DEGS2: variants seen among roughly 807,000 people sequenced by gnomAD.
The protein encoded by DEGS2 is delta 4-desaturase, sphingolipid 2, also known as sphingolipid delta(4)-desaturase/C4-monooxygenase DES2.
Under a neutral mutation model 23.8 loss-of-function variants are expected in DEGS2, and 19 were observed. The observed-to-expected ratio is 0.80, with a 90% confidence interval of 0.56 to 1.17. The LOEUF (loss-of-function observed/expected upper bound fraction) is 1.17, where lower values mean the gene tolerates loss of function less well. Among genes scored for constraint, DEGS2 ranks in the 50% most tolerant of loss-of-function variants. DEGS2 has a pLI of 0.00. For synonymous variants in DEGS2, 218 were observed against 213.7 expected, an observed-to-expected ratio of 1.02 and a Z score of -0.18; for missense variants, 390 against 459.5, an observed-to-expected ratio of 0.85 and a Z score of 1.38.
the DEGS2 span, among the ~76,000 whole-genome samples, chr14:100,165,088 C>T: frequency 3.3e-5 from 5 of 152,102 alleles, no homozygotes; most frequent in African/African-American, 1.2e-4. Context: ...GAGAGGCTGC[C>T]CCTCCTAGGA....
rs553976188 is a variant in DEGS2, at chr14:100,146,470, A to G, written c.*291T>C. 1.3e-4 allele frequency: 53 copies of G among 402,824 alleles called. No homozygotes were observed. The highest frequency in any genetic ancestry group is 4.4e-4 in the Admixed American group (10 of 22,978). The allele number at this position is 402,824 out of a possible 1,614,324, so 25.0% of individuals were successfully genotyped here. On this transcript the variant is annotated 3_prime_UTR_variant, in exon 3 of 3. Coordinates refer to ENST00000305631, the MANE Select transcript of DEGS2 (RefSeq NM_206918.3). ...AGGGCACAGGCACCCCGGAGAAGTC[A>G]GCTCCGTGGGAACCGTGGGCTCAGA...
chr14:100,147,901 C>T (rs932247622), intron 2 of DEGS2, among the ~76,000 whole-genome samples: 4 of 152,126 alleles, frequency 2.6e-5, no homozygotes, highest in Non-Finnish European at 5.9e-5. Context: ...CCTCCTGAGG[C>T]GGGCACCTCT....
At chr14:100,154,854 C>T (rs537705318) in intron 1 of DEGS2, among the ~76,000 whole-genome samples, 11 of 152,328 alleles carry the variant, frequency 7.2e-5, no homozygotes, top group Admixed American at 2.0e-4. Flanking sequence ...GGCCCCCCCA[C>T]GCCACACCCC....
rs748747978 is a variant in DEGS2, at chr14:100,159,570, G to T, written c.18C>A (p.Ser6Arg). ...TGTAGACCCACTCGAAGTCGCTGCG[G>T]CTCGCGCTGTTGCCCATGGTGGGGC... Reference protein sequence around the residue: MGNSASRSDFEWVYTD... With the variant: MGNSARRSDFEWVYTD... Residue 6 changes from serine to arginine, a missense_variant, in exon 1 of 3, where the codon AGC becomes AGA. By Grantham distance (110) the Ser-to-Arg change is moderately radical. Coordinates refer to ENST00000305631, the MANE Select transcript of DEGS2 (RefSeq NM_206918.3). 3 of 1,498,510 alleles carry T rather than the reference G, an allele frequency of 2.0e-6. No homozygotes were observed. The highest frequency in any genetic ancestry group is 1.8e-6 in the Non-Finnish European group (2 of 1,125,426). The allele number at this position is 1,498,510 out of a possible 1,614,324, so 92.8% of individuals were successfully genotyped here. A position where few individuals can be genotyped will look rare whatever the true frequency, so the allele number is the denominator to read the frequency against.
chr14:100,162,671 G>T (rs759052230), upstream of DEGS2, among the ~76,000 whole-genome samples: 1 of 152,182 alleles, frequency 6.6e-6, no homozygotes, highest in Non-Finnish European at 1.5e-5. Flanking sequence ...CTGAGAGGGA[G>T]CCCACCACGG....
intron 1 of DEGS2, among the ~76,000 whole-genome samples, chr14:100,151,516 A>AC (rs1889571385): frequency 6.6e-6 from 1 of 152,006 alleles, no homozygotes; most frequent in African/African-American, 2.4e-5. Context: ...TGGCTGAGGG[A>AC]CCCCCAAGGA....
rs369050103 is a variant in DEGS2, at chr14:100,149,385, G to T, written c.408C>A (p.Gly136=). The change falls in exon 2 of 3, where the codon GGC becomes GGA. Residue 136 remains glycine, a synonymous_variant. Transcript: ENST00000305631. ...GCACGTCCACGTCCAGCCCGTCGCCGCCCAGGTAGCGGTGGTGGTCCACGT... is the reference window on the plus strand; with the variant it reads ...GCACGTCCACGTCCAGCCCGTCGCCTCCCAGGTAGCGGTGGTGGTCCACGT... ...KYHVDHHRYL[G]GDGLDVDVPT... is the part of the protein sequence containing the mutation. The T allele has an allele frequency of 6.2e-7, 1 of 1,604,618 alleles. No individual in the cohort carries two copies. Among genetic ancestry groups the T allele is most frequent in the Admixed American group, 1.7e-5 (1 of 59,512 alleles).
upstream of DEGS2, among the ~76,000 whole-genome samples, chr14:100,161,952 C>CCCAGGAGTCAGTAGGCT (rs113261082): frequency 6.6e-6 from 1 of 151,712 alleles, no homozygotes; most frequent in Non-Finnish European, 1.5e-5. Context: ...CACCTGTAAT[C>CCCAGGAGTCAGTAGGCT]GAGGCAGGAG....
At position 100,159,551 on chromosome 14, in the gene DEGS2, C is replaced by A. The variant is rs1343684809; in HGVS notation, c.37G>T (p.Val13Phe). 3.2e-5 allele frequency: 48 copies of A among 1,508,842 alleles called. No individual in the cohort carries two copies. Among genetic ancestry groups the A allele is most frequent in the Non-Finnish European group, 3.9e-5 (44 of 1,130,342 alleles). 93.5% of individuals were successfully genotyped at this position (1,508,842 alleles called of 1,614,324 possible). ...TGCGTGTGCGGCTGGTCGGTGTAGA[C>A]CCACTCGAAGTCGCTGCGGCTCGCG... is the stretch of plus-strand genomic sequence containing the variant. The part of the protein sequence containing the change: ...NSASRSDFEW[V>F]YTDQPHTQRR... The change falls in exon 1 of 3, where the codon GTC becomes TTC. Residue 13 changes from valine to phenylalanine, a missense_variant. By Grantham distance (50) the Val-to-Phe change is conservative (BLOSUM62 -1). Transcript: ENST00000305631.
At position 100,145,812 on chromosome 14, in the gene DEGS2, G is replaced by A. The variant is rs573816595; in HGVS notation, c.*949C>T. The A allele has an allele frequency of 8.3e-4, 126 of 152,584 alleles. No individual in the cohort carries two copies. The highest frequency in any genetic ancestry group is 1.1e-3 in the Non-Finnish European group (77 of 68,214). The allele number at this position is 152,584 out of a possible 1,614,324, so 9.5% of individuals were successfully genotyped here. A position where few individuals can be genotyped will look rare whatever the true frequency, so the allele number is the denominator to read the frequency against. On this transcript the variant is annotated 3_prime_UTR_variant, in exon 3 of 3. Coordinates refer to ENST00000305631, the MANE Select transcript of DEGS2 (RefSeq NM_206918.3). ...CCTCAGCCCTTCTGTAGAAAGGACC[G>A]ACACGTCTCACGTCACGCACACTCC...
intron 2 of DEGS2, among the ~76,000 whole-genome samples, chr14:100,147,207 C>T (rs895325919): frequency 7.9e-5 from 12 of 152,202 alleles, no homozygotes; most frequent in Non-Finnish European, 1.8e-4. Flanking sequence ...GCCTGGTGGC[C>T]TGAACTGCGC....
intron 2 of DEGS2, among the ~76,000 whole-genome samples, chr14:100,147,665 C>CT (rs1477892519): frequency 6.8e-6 from 1 of 147,224 alleles, no homozygotes; most frequent in South Asian, 2.2e-4. Flanking sequence ...CCTGCCCCCC[C>CT]CCCCCAGGAT....
At chr14:100,160,911 C>T (rs148299919), upstream of DEGS2, among the ~76,000 whole-genome samples, 92 of 152,320 alleles carry the variant, frequency 6.0e-4, no homozygotes, top group East Asian at 0.017. Context: ...ATGGCCATCA[C>T]CCCTTGCCAC....
intron 1 of DEGS2, among the ~76,000 whole-genome samples, chr14:100,153,204 C>T (rs1183982740): frequency 3.9e-5 from 6 of 151,948 alleles, no homozygotes; most frequent in South Asian, 2.1e-4. Context: ...TGCAGTGAGC[C>T]GCAATTGCAC....
intron 1 of DEGS2, among the ~76,000 whole-genome samples, chr14:100,154,708 T>C (rs1325123954): frequency 6.6e-6 from 1 of 152,234 alleles, no homozygotes; most frequent in Non-Finnish European, 1.5e-5. Context: ...CTGGTGCGAC[T>C]CTGATGGGTT....
At chr14:100,147,937 CA>C (rs1265264008) in intron 2 of DEGS2, among the ~76,000 whole-genome samples, 1 of 152,154 alleles carries the variant, frequency 6.6e-6, no homozygotes, top group Non-Finnish European at 1.5e-5. Context: ...CTTATCTATA[CA>C]ACAGGGATAA....
intron 1 of DEGS2, among the ~76,000 whole-genome samples, chr14:100,159,058 C>A (rs1212180013): frequency 6.6e-6 from 1 of 152,228 alleles, no homozygotes; most frequent in Non-Finnish European, 1.5e-5. Flanking sequence ...CGCCCGTGGC[C>A]GCGAGACCCA....
At chr14:100,159,281 T>C (rs958495933) in intron 1 of DEGS2, among the ~76,000 whole-genome samples, 2 of 152,202 alleles carry the variant, frequency 1.3e-5, no homozygotes, top group Non-Finnish European at 2.9e-5. Context: ...GGACCCGTAC[T>C]GGGGTCCTCG....
Position 100,159,491 on chromosome 14 carries a change from C to G in DEGS2, c.82+15G>C. 6.7e-7 allele frequency: 1 copy of G among 1,484,582 alleles called. No homozygotes were observed. Among genetic ancestry groups the G allele is most frequent in the Non-Finnish European group, 8.9e-7 (1 of 1,118,870 alleles). The allele number at this position is 1,484,582 out of a possible 1,614,324, so 92.0% of individuals were successfully genotyped here. A position where few individuals can be genotyped will look rare whatever the true frequency, so the allele number is the denominator to read the frequency against. On this transcript the variant is annotated intron_variant, in intron 1 of 2. Coordinates refer to ENST00000305631, the MANE Select transcript of DEGS2 (RefSeq NM_206918.3). ...GGGGCGGTCCCCACCGGGGTGGGCCCCGCGCGGCGCTCACCCAGTATCTCC... is the reference window on the plus strand; with the variant it reads ...GGGGCGGTCCCCACCGGGGTGGGCCGCGCGCGGCGCTCACCCAGTATCTCC...
Sources: allele counts gnomAD v4.1 joint callset (sites outside exome capture counted in the v4.1 genomes callset), GRCh38; gene constraint gnomAD v4.1.1; transcripts MANE v1.5; gene names NCBI Gene and HGNC (gene_info 2026-07-23, HGNC 2026-07-21).